Variants in PCDHGA2 observed in about 807,000 individuals in gnomAD.
PCDHGA2 encodes the protein protocadherin gamma subfamily A, 2, also known as protocadherin gamma-A2.
PCDHGA2 carries 40 observed loss-of-function variants against 59.2 expected under a neutral mutation model. The ratio of observed to expected loss-of-function variants is 0.68; its 90% CI spans 0.52 to 0.88. The LOEUF is 0.88. PCDHGA2 is among the 40% of genes least tolerant of loss of function. PCDHGA2 has a pLI of 0.00. For missense variants in PCDHGA2, 1,226 were observed against 1,204.0 expected (o/e 1.02, Z -0.27); for synonymous variants, 560 against 526.0 (o/e 1.06, Z -0.89).
chr5:141,427,711 A>T, intron 1 of PCDHGA2: 1 of 1,036,498 alleles, frequency 9.6e-7, no homozygotes, highest in Non-Finnish European at 1.5e-6. Context: ...AGCGCCTCTG[A>T]CCTGGACCTA....
chr5:141,403,929 G>A (rs1203236737), intron 1 of PCDHGA2: 5 of 1,613,854 alleles, frequency 3.1e-6, no homozygotes, highest in Non-Finnish European at 4.2e-6. Context: ...GATGGTGGGG[G>A]ATTGAAAGGG....
rs758463890 is a variant in PCDHGA2 at position 141,394,966 on chromosome 5, G to A, written c.2424+53571G>A. On this transcript the variant is annotated intron_variant, in intron 1 of 3. Coordinates refer to ENST00000394576, the MANE Select transcript of PCDHGA2 (RefSeq NM_018915.4). ...GTGCTTCTGGGGCTCAGGCTGAGGCGCTGGCACAAGTCACGCCTGCTCCAG... is the reference window on the plus strand; with the variant it reads ...GTGCTTCTGGGGCTCAGGCTGAGGCACTGGCACAAGTCACGCCTGCTCCAG... 11 of 1,613,768 alleles carry A rather than the reference G, an allele frequency of 6.8e-6. No homozygotes were observed. In the African/African-American group the frequency reaches 9.3e-5, roughly 14 times the overall value.
chr5:141,403,161 G>A (rs1435695987), intron 1 of PCDHGA2: 12 of 1,614,026 alleles, frequency 7.4e-6, no homozygotes, highest in Non-Finnish European at 1.0e-5. Context: ...GTCTCTAGAG[G>A]TAGGACGCAG....
In PCDHGA2 at chr5:141,409,025, G is replaced by T. The variant is rs202094928; in HGVS notation, c.2424+67630G>T. Reference sequence around the variant, plus strand: ...CACTGACCAGGATGAGGGGGTCAATGCTGAGATAAACTACTACTTCCGAAG... The same window carrying T: ...CACTGACCAGGATGAGGGGGTCAATTCTGAGATAAACTACTACTTCCGAAG... On this transcript the variant is annotated intron_variant, in intron 1 of 3. Coordinates refer to ENST00000394576, the MANE Select transcript of PCDHGA2 (RefSeq NM_018915.4). 2.9e-3 allele frequency: 4,667 copies of T among 1,614,008 alleles called. 11 individuals are homozygous for T. The highest frequency in any genetic ancestry group is 3.6e-3 in the Non-Finnish European group (4,254 of 1,179,906).
intron 1 of PCDHGA2, chr5:141,385,839 AT>A (rs758941967): frequency 8.1e-4 from 124 of 153,978 alleles, no homozygotes; most frequent in Admixed American, 2.3e-3. Context: ...CAGTATAATC[AT>A]TTATTAATGG....
intron 1 of PCDHGA2, among the ~76,000 whole-genome samples, chr5:141,438,579 CATACATACATACATATATATAT>C (rs1356926315): frequency 3.6e-5 from 2 of 55,782 alleles, no homozygotes; most frequent in Non-Finnish European, 6.0e-5. Context: ...GATATACATA[CATACATACATACATATATATAT>C]ATATATATAT....
At chr5:141,347,137 C>CTCTTTCTTTCTCTCTTTCTT (rs1757891131) in intron 1 of PCDHGA2, among the ~76,000 whole-genome samples, 3 of 113,834 alleles carry the variant, frequency 2.6e-5, no homozygotes, top group Non-Finnish European at 5.2e-5. Flanking sequence ...CTCTGTTTCT[C>CTCTTTCTTTCTCTCTTTCTT]TCTTTCTTTC....
chr5:141,375,414 A>G lies in PCDHGA2; in HGVS notation c.2424+34019A>G, dbSNP rs752900319. The stretch of plus-strand genomic sequence containing the variant: ...ACAATCATCTCTCTAAATGTGGCAG[A>G]CACCAACGACAACCCGCCCACCTTC... On this transcript the variant is annotated intron_variant, in intron 1 of 3. Transcript: ENST00000394576. 21 of 1,613,866 alleles carry G rather than the reference A, an allele frequency of 1.3e-5. No homozygotes were observed. In the South Asian group the frequency reaches 1.6e-4, roughly 13 times the overall value.
chr5:141,485,408 T>G lies in PCDHGA2; in HGVS notation c.2425-9399T>G. On this transcript the variant is annotated intron_variant, in intron 1 of 3. Transcript: ENST00000394576. The surrounding 1 kb of genome is among the most constrained non-coding windows in gnomAD (Gnocchi z 5.7). ...GAACCAAAGACACTTCCGTGTGGAT[T>G]TGGACAGCGGAGCCCTGCTCATCAA... 1 of 1,614,112 alleles carries G rather than the reference T, an allele frequency of 6.2e-7. No individual in the cohort carries two copies. The highest frequency in any genetic ancestry group is 8.5e-7 in the Non-Finnish European group (1 of 1,180,034).
chr5:141,419,756 G>C (rs1006926516), intron 1 of PCDHGA2: 10 of 1,613,890 alleles, frequency 6.2e-6, no homozygotes, highest in Admixed American at 1.7e-5. Flanking sequence ...GCGTGCTTTG[G>C]GTGACAAGGA....
intron 2 of PCDHGA2, among the ~76,000 whole-genome samples, chr5:141,502,894 G>C (rs1342496006): frequency 6.8e-6 from 1 of 147,968 alleles, no homozygotes; most frequent in Non-Finnish European, 1.5e-5. Context: ...AGGGAGTCTA[G>C]CTCTGTTGCC....
At chr5:141,415,712 T>G (rs2095901969) in intron 1 of PCDHGA2, 3 of 1,326,794 alleles carry the variant, frequency 2.3e-6, no homozygotes, top group Non-Finnish European at 3.1e-6. Context: ...GCTAAAACAC[T>G]GATGAGTAGA....
In PCDHGA2 at chr5:141,432,167, T is replaced by G. The variant is rs559707772; in HGVS notation, c.2425-62640T>G. The G allele has an allele frequency of 1.4e-5, 22 of 1,613,962 alleles. No homozygotes were observed. The highest frequency in any genetic ancestry group is 9.3e-5 in the African/African-American group (7 of 74,972). On this transcript the variant is annotated intron_variant, in intron 1 of 3. Coordinates refer to ENST00000394576, the MANE Select transcript of PCDHGA2 (RefSeq NM_018915.4). The surrounding 1 kb of genome is among the most constrained non-coding windows in gnomAD (Gnocchi z 6.0). Reference sequence around the variant, plus strand: ...CCCAGAGAACAATCCCAGAGGAGTTTCCCTCGTCTCTGTGACCGCCCACGA... The same window carrying G: ...CCCAGAGAACAATCCCAGAGGAGTTGCCCTCGTCTCTGTGACCGCCCACGA...
At chr5:141,478,717 C>T (rs1381812771) in intron 1 of PCDHGA2, 1 of 1,545,032 alleles carries the variant, frequency 6.5e-7, no homozygotes, top group South Asian at 1.2e-5. Context: ...GAGATGGTGG[C>T]CTGCCAGAGT....
chr5:141,407,808 C>A (rs1182707356), intron 1 of PCDHGA2, among the ~76,000 whole-genome samples: 1 of 152,136 alleles, frequency 6.6e-6, no homozygotes, highest in Non-Finnish European at 1.5e-5. Flanking sequence ...ATAGAAATAT[C>A]TACTATAATA....
chr5:141,438,337 T>C (rs935624931), intron 1 of PCDHGA2, among the ~76,000 whole-genome samples: 25 of 151,926 alleles, frequency 1.6e-4, no homozygotes, highest in Non-Finnish European at 1.9e-4. Context: ...ACATGTCATA[T>C]AAGGATCTAC....
At chr5:141,478,020 A>G (rs1315422039) in intron 1 of PCDHGA2, 2 of 1,613,976 alleles carry the variant, frequency 1.2e-6, no homozygotes, top group Non-Finnish European at 1.7e-6. Flanking sequence ...CGTCCAGTCC[A>G]AGACACAGAT....
At chr5:141,346,354 A>G (rs373196801) in intron 1 of PCDHGA2, 9 of 1,614,068 alleles carry the variant, frequency 5.6e-6, no homozygotes, top group South Asian at 3.3e-5. Flanking sequence ...CCCCAGCCCA[A>G]CTATGCGGAC....
intron 1 of PCDHGA2, among the ~76,000 whole-genome samples, chr5:141,474,311 G>T (rs1374954373): frequency 1.3e-5 from 2 of 152,134 alleles, no homozygotes. Context: ...AAACTTTAAT[G>T]TGTTTTCAAA....
Sources: allele counts gnomAD v4.1 joint callset (sites outside exome capture counted in the v4.1 genomes callset), GRCh38; gene constraint gnomAD v4.1.1; non-coding constraint Gnocchi (gnomAD v3.1); transcripts MANE v1.5; gene names NCBI Gene and HGNC (gene_info 2026-07-23, HGNC 2026-07-21).